Variants in MEGF11 observed in about 807,000 individuals in gnomAD.
The protein encoded by MEGF11 is multiple EGF like domains 11, also known as multiple epidermal growth factor-like domains protein 11.
In MEGF11, 126 loss-of-function variants were observed where a neutral mutation model predicts 146.6. That is an observed-to-expected ratio of 0.86 (90% CI 0.74 to 1.00). The LOEUF is 1.00. MEGF11 is among the 50% of genes least tolerant of loss of function. The pLI is 0.00. For missense variants in MEGF11, 1,509 were observed against 1,521.2 expected (o/e 0.99, Z 0.13); for synonymous variants, 532 against 583.4 (o/e 0.91, Z 1.27).
At chr15:65,954,763 G>T (rs536105183) in intron 10 of MEGF11, among the ~76,000 whole-genome samples, 1 of 152,302 alleles carries the variant, frequency 6.6e-6, no homozygotes, top group Admixed American at 6.5e-5. Flanking sequence ...TGGAGCACTG[G>T]GGACAGTGAG....
At chr15:65,936,313 C>T (rs1241535310) in intron 10 of MEGF11, among the ~76,000 whole-genome samples, 4 of 152,168 alleles carry the variant, frequency 2.6e-5, no homozygotes, top group African/African-American at 7.2e-5. Context: ...CCACCTTAGG[C>T]CTGTGAGCTC....
intron 1 of MEGF11, among the ~76,000 whole-genome samples, chr15:66,186,251 G>A (rs940439319): frequency 1.3e-5 from 2 of 152,190 alleles, no homozygotes; most frequent in African/African-American, 4.8e-5. Flanking sequence ...CTTCCCCTGG[G>A]GTCTGGAGTG....
In MEGF11 at chr15:66,123,983, T is replaced by C. The variant is rs2088195810; in HGVS notation, c.116A>G (p.Gln39Arg). The C allele has an allele frequency of 6.2e-6, 10 of 1,613,762 alleles. No homozygotes were observed. Among genetic ancestry groups the C allele is most frequent in the African/African-American group, 1.3e-5 (1 of 74,928 alleles). ...ATCGAAGGGGTGTGCATACGATTCC[T>C]GGACAGTCACAGCATAGCTGAGAAC... Reference protein sequence around the residue: ...SHWESYAVTVQESYAHPFDQI... With the variant: ...SHWESYAVTVRESYAHPFDQI... The change falls in exon 3 of 26, where the codon CAG (glutamine) becomes CGG (arginine). Residue 39 changes from glutamine (Q) to arginine (R), a missense_variant. Gln to Arg is a conservative substitution (Grantham distance 43, BLOSUM62 1). Transcript: ENST00000395614.
At position 65,964,925 on chromosome 15, in the gene MEGF11, G is replaced by A. The variant is rs565563572; in HGVS notation, c.1095C>T (p.Asp365=). Residue 365 remains aspartate (D), a synonymous_variant, in exon 9 of 26, where the codon GAC becomes GAT. Transcript: ENST00000395614. The part of the protein sequence containing the change: ...GPGCTLPCPC[D]ADNTISCHPV... Reference sequence around the variant, plus strand: ...GCTCATACCTGATGGTGTTGTCAGCGTCACAGGGGCAGGGCAGGGTGCAGC... The same window carrying A: ...GCTCATACCTGATGGTGTTGTCAGCATCACAGGGGCAGGGCAGGGTGCAGC... The A allele has an allele frequency of 2.6e-5, 40 of 1,567,724 alleles. No individual in the cohort carries two copies. The highest frequency in any genetic ancestry group is 4.7e-5 in the South Asian group (4 of 85,354).
chr15:66,083,800 C>T (rs1428595365), intron 5 of MEGF11, among the ~76,000 whole-genome samples: 1 of 152,024 alleles, frequency 6.6e-6, no homozygotes, highest in Non-Finnish European at 1.5e-5. Flanking sequence ...GCCTGTAGTC[C>T]CAGCTACTCA....
At chr15:65,905,871 G>A (rs2078610818) in intron 24 of MEGF11, 3 of 438,408 alleles carry the variant, frequency 6.8e-6, no homozygotes, top group Non-Finnish European at 1.2e-5. Flanking sequence ...CTAAGCAGGT[G>A]CAACTGAAAT....
At chr15:65,914,294 C>T (rs918881920) in intron 19 of MEGF11, among the ~76,000 whole-genome samples, 8 of 152,306 alleles carry the variant, frequency 5.3e-5, no homozygotes, top group African/African-American at 1.9e-4. Context: ...TAGTATTTTC[C>T]TTTCACAGAT....
In MEGF11 at chr15:65,909,816, G is replaced by A. The variant is rs769966436; in HGVS notation, c.2830-10C>T. The A allele has an allele frequency of 7.7e-6, 12 of 1,564,572 alleles. No individual in the cohort carries two copies. The South Asian group carries it at 1.4e-4, about 18-fold the overall frequency. Reference sequence around the variant, plus strand: ...GGGACTTGTTACTGAGCTGTTTGGAGAGTAGGAGAGCCAGTTAATATCTAG... The same window carrying A: ...GGGACTTGTTACTGAGCTGTTTGGAAAGTAGGAGAGCCAGTTAATATCTAG... On this transcript the variant is annotated splice_polypyrimidine_tract_variant and intron_variant, in intron 21 of 25. Coordinates refer to ENST00000395614, the MANE Select transcript of MEGF11 (RefSeq NM_001385028.1).
intron 1 of MEGF11, among the ~76,000 whole-genome samples, chr15:66,247,338 T>C (rs1339920037): frequency 1.3e-5 from 2 of 152,240 alleles, no homozygotes; most frequent in Non-Finnish European, 1.5e-5. Flanking sequence ...CAAATAATCT[T>C]CTACTCTCTT....
intron 1 of MEGF11, among the ~76,000 whole-genome samples, chr15:66,150,028 C>A (rs537498159): frequency 1.3e-5 from 2 of 152,048 alleles, no homozygotes; most frequent in African/African-American, 4.8e-5. Flanking sequence ...CTAATTAAAG[C>A]GAGATGCTAC....
chr15:65,910,510 G>A (rs780689835), intron 21 of MEGF11, among the ~76,000 whole-genome samples: 19 of 152,150 alleles, frequency 1.2e-4, no homozygotes, highest in Non-Finnish European at 2.2e-4. Flanking sequence ...TGCCTCTGCT[G>A]CAGATGCCCT....
At chr15:66,086,561 A>G (rs1242731381) in intron 5 of MEGF11, among the ~76,000 whole-genome samples, 1 of 152,200 alleles carries the variant, frequency 6.6e-6, no homozygotes, top group Admixed American at 6.5e-5. Context: ...CAGCAAAACT[A>G]AGCATCATAT....
chr15:66,010,021 G>A (rs561401878), intron 5 of MEGF11, among the ~76,000 whole-genome samples: 1 of 152,020 alleles, frequency 6.6e-6, no homozygotes, highest in Non-Finnish European at 1.5e-5. Flanking sequence ...TTTGGATGAG[G>A]TGCTCTTAGT....
intron 5 of MEGF11, among the ~76,000 whole-genome samples, chr15:66,067,243 C>T (rs1393417023): frequency 2.0e-5 from 3 of 152,188 alleles, no homozygotes; most frequent in Non-Finnish European, 4.4e-5. Flanking sequence ...AGTCTCGGGC[C>T]TAATGTTTGA....
intron 10 of MEGF11, among the ~76,000 whole-genome samples, chr15:65,951,954 A>G (rs541580358): frequency 3.9e-5 from 6 of 152,158 alleles, no homozygotes; most frequent in Middle Eastern, 6.8e-3. Context: ...GTGAGCTATG[A>G]TTGTGCCATT....
At chr15:66,179,971 G>A (rs1008893266) in intron 1 of MEGF11, among the ~76,000 whole-genome samples, 1 of 152,020 alleles carries the variant, frequency 6.6e-6, no homozygotes, top group East Asian at 1.9e-4. Context: ...TCGATAGCTG[G>A]GAGACCTATG....
intron 1 of MEGF11, among the ~76,000 whole-genome samples, chr15:66,237,388 T>A (rs1272097340): frequency 6.6e-6 from 1 of 152,188 alleles, no homozygotes; most frequent in Non-Finnish European, 1.5e-5. Flanking sequence ...GTCTCACCAT[T>A]TCACCTCCAA....
At chr15:66,173,506 G>A (rs2090317560) in intron 1 of MEGF11, among the ~76,000 whole-genome samples, 1 of 152,002 alleles carries the variant, frequency 6.6e-6, no homozygotes, top group Admixed American at 6.6e-5. Flanking sequence ...TAGTAGAGAT[G>A]GGGTTTCACC....
chr15:66,113,194 T>A (rs12148322), intron 4 of MEGF11, among the ~76,000 whole-genome samples: 9,720 of 152,054 alleles, frequency 0.064, 396 homozygotes, highest in Non-Finnish European at 0.085. Flanking sequence ...GCTGGCTCCC[T>A]CGGACACCAT....
Sources: gnomAD v4.1 joint callset for allele counts (sites outside exome capture counted in the v4.1 genomes callset) on GRCh38, gnomAD v4.1.1 for gene constraint, MANE v1.5 for transcripts, NCBI Gene and HGNC (gene_info 2026-07-23, HGNC 2026-07-21) for gene names.